Variants in LARGE1 observed in about 807,000 individuals in gnomAD.
The protein encoded by LARGE1 is LARGE xylosyl- and glucuronyltransferase 1.
LARGE1 carries 43 observed loss-of-function variants against 87.6 expected under a neutral mutation model. The ratio of observed to expected loss-of-function variants is 0.49; its 90% confidence interval spans 0.38 to 0.63. LARGE1 has a LOEUF of 0.63. Ranked by LOEUF, LARGE1 falls within the 30% of genes least tolerant of loss-of-function variation. LARGE1 has a pLI of 0.00. For synonymous variants in LARGE1, 434 were observed against 394.6 expected (o/e 1.10, Z -1.18); for missense variants, 802 against 1,000.2 (o/e 0.80, Z 2.67).
intron 11 of LARGE1, among the ~76,000 whole-genome samples, chr22:33,211,499 G>A (rs554148174): frequency 1.6e-4 from 25 of 152,260 alleles, no homozygotes; most frequent in African/African-American, 6.0e-4. Context: ...GAGGCTGGGC[G>A]TGGTGGCTCA....
chr22:33,434,496 T>C (rs2067193724), intron 6 of LARGE1, among the ~76,000 whole-genome samples: 1 of 152,166 alleles, frequency 6.6e-6, no homozygotes, highest in Non-Finnish European at 1.5e-5. Flanking sequence ...AGACGGGGTT[T>C]CACCGTGTTG....
At chr22:33,586,576 G>C (rs2078682147) in intron 5 of LARGE1, among the ~76,000 whole-genome samples, 1 of 151,548 alleles carries the variant, frequency 6.6e-6, no homozygotes, top group Non-Finnish European at 1.5e-5. Flanking sequence ...TCCTGCCTCA[G>C]CCTCCCAAGT....
the LARGE1 span, among the ~76,000 whole-genome samples, chr22:33,115,620 A>C: frequency 6.6e-6 from 1 of 152,032 alleles, no homozygotes; most frequent in Non-Finnish European, 1.5e-5. Context: ...GATGGAGACC[A>C]TCCTGGCCAA....
chr22:33,857,421 G>A (rs1024436983), intron 1 of LARGE1, among the ~76,000 whole-genome samples: 3 of 152,190 alleles, frequency 2.0e-5, no homozygotes, highest in South Asian at 4.1e-4. Context: ...GGCAAGAAAC[G>A]ATGCAATCAG....
intron 2 of LARGE1, among the ~76,000 whole-genome samples, chr22:33,728,576 A>C (rs5994790): frequency 0.041 from 4,279 of 103,518 alleles, 238 homozygotes; most frequent in African/African-American, 0.083. Flanking sequence ...AAAAAAAAAA[A>C]AAACCAACAA....
intron 6 of LARGE1, 93 bp downstream of exon 6, chr22:33,564,755 G>A (rs1602459202): frequency 7.7e-7 from 1 of 1,294,628 alleles, no homozygotes; most frequent in Admixed American, 1.7e-5. Context: ...CCTCATTCGA[G>A]GAGACCTCAC....
chr22:33,745,523 G>T (rs16992948), intron 2 of LARGE1, among the ~76,000 whole-genome samples: 3,625 of 152,226 alleles, frequency 0.024, 109 homozygotes, highest in African/African-American at 0.073. Flanking sequence ...GTCTGCACTG[G>T]GGATTTGAAG....
chr22:33,079,388 C>A, the LARGE1 span, among the ~76,000 whole-genome samples: 1 of 151,666 alleles, frequency 6.6e-6, no homozygotes, highest in Non-Finnish European at 1.5e-5. Context: ...CCACCACGCC[C>A]GGATAATTTT....
intron 6 of LARGE1, among the ~76,000 whole-genome samples, chr22:33,469,966 T>G (rs1388853720): frequency 7.0e-6 from 1 of 142,578 alleles, no homozygotes; most frequent in Admixed American, 7.1e-5. Flanking sequence ...CTTGGCTCAC[T>G]GCAAGCTCCA....
At chr22:33,516,525 C>T (rs2071311665) in intron 6 of LARGE1, among the ~76,000 whole-genome samples, 1 of 152,094 alleles carries the variant, frequency 6.6e-6, no homozygotes, top group African/African-American at 2.4e-5. Flanking sequence ...GGTCCTGCAT[C>T]CCATCAGACC....
intron 11 of LARGE1, among the ~76,000 whole-genome samples, chr22:33,200,758 GA>G (rs1924340813): frequency 6.6e-6 from 1 of 152,192 alleles, no homozygotes; most frequent in Non-Finnish European, 1.5e-5. Context: ...AGAATAGTCA[GA>G]TCCATAAAGA....
intron 7 of LARGE1, among the ~76,000 whole-genome samples, chr22:33,387,116 A>G (rs1329090473): frequency 1.4e-5 from 2 of 146,910 alleles, no homozygotes; most frequent in African/African-American, 4.9e-5. Context: ...AAAACAAAAA[A>G]CAAAAAACAA....
At position 33,316,108 on chromosome 22, in the gene LARGE1, C is replaced by T; in HGVS notation, c.1428G>A (p.Leu476=). The change falls in exon 11 of 15, where the codon CTG becomes CTA. Residue 476 remains leucine, a synonymous_variant. Coordinates refer to ENST00000397394, the MANE Select transcript of LARGE1 (RefSeq NM_133642.5). ...ACCTGTCCATGGACAGCTGAGCGACCAGGGTGACGTCCGTGCTGTCTGCTG... is the reference window on the plus strand; with the variant it reads ...ACCTGTCCATGGACAGCTGAGCGACTAGGGTGACGTCCGTGCTGTCTGCTG... ...EPAADSTDVT[L]VAQLSMDRLQ... 1.2e-6 allele frequency: 2 copies of T among 1,613,954 alleles called. No individual in the cohort carries two copies. Among genetic ancestry groups the T allele is most frequent in the Non-Finnish European group, 1.7e-6 (2 of 1,179,920 alleles).
At chr22:33,728,989 C>T (rs1033706775) in intron 2 of LARGE1, among the ~76,000 whole-genome samples, 5 of 151,868 alleles carry the variant, frequency 3.3e-5, no homozygotes, top group Admixed American at 2.0e-4. Flanking sequence ...CCCCCCTCCC[C>T]ACAAAAAAAG....
intron 6 of LARGE1, among the ~76,000 whole-genome samples, chr22:33,489,353 T>C (rs1469857924): frequency 3.9e-5 from 6 of 152,198 alleles, no homozygotes; most frequent in Non-Finnish European, 7.3e-5. Context: ...AAGAAATTTT[T>C]ATTGAACACT....
At chr22:33,112,623 T>C in the LARGE1 span, among the ~76,000 whole-genome samples, 2 of 152,172 alleles carry the variant, frequency 1.3e-5, no homozygotes, top group African/African-American at 2.4e-5. Context: ...TAAATAGTCC[T>C]GGTGAGGAAG....
At chr22:33,118,994 G>C in the LARGE1 span, among the ~76,000 whole-genome samples, 3 of 152,226 alleles carry the variant, frequency 2.0e-5, no homozygotes, top group Non-Finnish European at 4.4e-5. Flanking sequence ...GAGGTCTAAA[G>C]TTAACAAGGG....
At chr22:33,457,293 C>CTT (rs759460321) in intron 6 of LARGE1, among the ~76,000 whole-genome samples, 790 of 74,826 alleles carry the variant, frequency 0.011, 91 homozygotes, top group African/African-American at 0.03. Context: ...ACGCCTGGCT[C>CTT]TTTTTTTTTT....
At chr22:33,475,424 ATATTTATTTATTTATTTATTTATT>A (rs71320980) in intron 6 of LARGE1, among the ~76,000 whole-genome samples, 32 of 135,296 alleles carry the variant, frequency 2.4e-4, no homozygotes, top group African/African-American at 7.7e-4. Flanking sequence ...TCAGTGAGTC[ATATTTATTTATTTATTTATTTATT>A]TATTTATTTA....
Sources: allele counts gnomAD v4.1 joint callset (sites outside exome capture counted in the v4.1 genomes callset), GRCh38; gene constraint gnomAD v4.1.1; transcripts MANE v1.5; gene names NCBI Gene and HGNC (gene_info 2026-07-23, HGNC 2026-07-21).